Variants in XRCC4 observed in about 807,000 individuals in gnomAD.
XRCC4 encodes the protein X-ray repair cross complementing 4.
XRCC4 carries 28 observed loss-of-function variants against 39.1 expected under a neutral mutation model. That is an observed-to-expected ratio of 0.72 (90% CI 0.53 to 0.98). The LOEUF (loss-of-function observed/expected upper bound fraction) is 0.98. Ranked by LOEUF, XRCC4 falls within the 50% of genes least tolerant of loss-of-function variation. The pLI is 0.00. For missense variants in XRCC4, 350 were observed against 376.4 expected, an observed-to-expected ratio of 0.93 and a Z score of 0.58; for synonymous variants, 123 against 126.4, an observed-to-expected ratio of 0.97 and a Z score of 0.18.
intron 7 of XRCC4, among the ~76,000 whole-genome samples, chr5:83,323,559 G>A (rs773326340): frequency 9.9e-5 from 15 of 151,650 alleles, no homozygotes; most frequent in Non-Finnish European, 1.9e-4. Flanking sequence ...TAAAGCAACA[G>A]TTTTAATAAA....
At chr5:83,242,485 G>T (rs936721079) in intron 6 of XRCC4, among the ~76,000 whole-genome samples, 1 of 151,504 alleles carries the variant, frequency 6.6e-6, no homozygotes, top group African/African-American at 2.4e-5. Flanking sequence ...TCACTTTGTT[G>T]CCCAGGCTGG....
At chr5:83,211,027 A>G (rs1179838037) in intron 6 of XRCC4, among the ~76,000 whole-genome samples, 1 of 152,208 alleles carries the variant, frequency 6.6e-6, no homozygotes, top group East Asian at 1.9e-4. Context: ...ACTATGGATG[A>G]GTGAGAAAAC....
At chr5:83,355,394 C>G (rs1757178706), downstream of XRCC4, among the ~76,000 whole-genome samples, 1 of 152,154 alleles carries the variant, frequency 6.6e-6, no homozygotes, top group Non-Finnish European at 1.5e-5. Context: ...TCTGCTTTAC[C>G]TCTCTATCCC....
At chr5:83,104,302 A>G (rs151084277) in intron 1 of XRCC4, among the ~76,000 whole-genome samples, 62 of 152,276 alleles carry the variant, frequency 4.1e-4, no homozygotes, top group African/African-American at 1.2e-3. Flanking sequence ...CTCCAGACAG[A>G]GACTAAGATA....
intron 1 of XRCC4, among the ~76,000 whole-genome samples, chr5:83,078,532 A>G (rs1286321203): frequency 6.6e-6 from 1 of 152,230 alleles, no homozygotes; most frequent in African/African-American, 2.4e-5. Context: ...TATTCGGCCT[A>G]TGAGACCCTT....
At position 83,098,882 on chromosome 5, in the gene XRCC4, A is replaced by G. The variant is rs10037714; in HGVS notation, c.-10-6028A>G. On this transcript the variant is annotated intron_variant, in intron 1 of 7. Transcript: ENST00000396027. The stretch of plus-strand genomic sequence containing the variant: ...CCTTTTCTTTGCACTTAGTTTTCCT[A>G]AATTGTTGTGTGATTGTCTCAGAAG... Among the ~76,000 whole-genome samples, 449 of 152,254 alleles carry G rather than the reference A, an allele frequency of 2.9e-3. 2 individuals are homozygous for G. The highest frequency in any genetic ancestry group is 0.01 in the African/African-American group (429 of 41,564).
chr5:83,081,246 G>A (rs562909156), intron 1 of XRCC4, among the ~76,000 whole-genome samples: 39 of 152,220 alleles, frequency 2.6e-4, no homozygotes, highest in African/African-American at 8.7e-4. Context: ...GTTAATGATA[G>A]GGTTGATTTA....
At chr5:83,132,679 C>T (rs1747660716) in intron 3 of XRCC4, among the ~76,000 whole-genome samples, 1 of 152,098 alleles carries the variant, frequency 6.6e-6, no homozygotes, top group South Asian at 2.1e-4. Context: ...GAATCGGCCA[C>T]TGAAGCCTGT....
At chr5:83,128,901 G>A (rs34758484) in intron 3 of XRCC4, among the ~76,000 whole-genome samples, 74,445 of 151,782 alleles carry the variant, frequency 0.49, 19,215 homozygotes, top group African/African-American at 0.63. Flanking sequence ...GTAGATTGTA[G>A]AAATTTTCTC....
chr5:83,230,148 T>G (rs1039317560), intron 6 of XRCC4, among the ~76,000 whole-genome samples: 1 of 151,982 alleles, frequency 6.6e-6, no homozygotes, highest in South Asian at 2.1e-4. Context: ...GTAATATATT[T>G]TACCATAACA....
intron 7 of XRCC4, among the ~76,000 whole-genome samples, chr5:83,334,902 G>A (rs1756549353): frequency 1.3e-5 from 2 of 151,994 alleles, no homozygotes; most frequent in Non-Finnish European, 2.9e-5. Context: ...AATGATAAGG[G>A]AAATTCATTA....
chr5:83,157,243 T>A (rs1049551198), intron 3 of XRCC4, among the ~76,000 whole-genome samples: 4 of 152,104 alleles, frequency 2.6e-5, no homozygotes, highest in Non-Finnish European at 1.5e-5. Context: ...GGGAGGTCAT[T>A]CAGTGGAAGG....
chr5:83,243,582 T>A (rs1210234667), intron 6 of XRCC4, among the ~76,000 whole-genome samples: 2 of 152,222 alleles, frequency 1.3e-5, no homozygotes, highest in Non-Finnish European at 2.9e-5. Flanking sequence ...TGCTGGAGAT[T>A]TAGGACTTAA....
intron 3 of XRCC4, among the ~76,000 whole-genome samples, chr5:83,181,711 A>G (rs537383797): frequency 6.6e-6 from 1 of 152,330 alleles, no homozygotes; most frequent in East Asian, 1.9e-4. Flanking sequence ...ATTAATGATT[A>G]CAGGAAGAGG....
At chr5:83,344,079 C>T (rs570679791) in intron 7 of XRCC4, among the ~76,000 whole-genome samples, 289 of 151,778 alleles carry the variant, frequency 1.9e-3, no homozygotes, top group African/African-American at 6.7e-3. Context: ...AATAGCAGAT[C>T]AGATCCAAAA....
At chr5:83,101,718 A>G (rs1339285273) in intron 1 of XRCC4, among the ~76,000 whole-genome samples, 1 of 152,084 alleles carries the variant, frequency 6.6e-6, no homozygotes, top group Non-Finnish European at 1.5e-5. Flanking sequence ...CCTGCTCAAC[A>G]TTTTATGTGC....
intron 3 of XRCC4, among the ~76,000 whole-genome samples, chr5:83,136,951 C>T (rs1388964959): frequency 6.6e-6 from 1 of 152,138 alleles, no homozygotes; most frequent in Non-Finnish European, 1.5e-5. Context: ...GTGTTCTCTT[C>T]ACAAACACAC....
In XRCC4 at chr5:83,288,193, C is replaced by G. The variant is rs1176255776; in HGVS notation, c.893+29516C>G. On this transcript the variant is annotated intron_variant, in intron 7 of 7. Transcript: ENST00000396027. ...TGTTTTTTATGGCACAGAATGTGGT[C>G]TGTCTCTGAATGTTCCATGTGAGCT... is the stretch of plus-strand genomic sequence containing the variant. Among the ~76,000 whole-genome samples, 3 of 151,986 alleles carry G rather than the reference C, an allele frequency of 2.0e-5. No individual in the cohort carries two copies. In the East Asian group the frequency reaches 5.8e-4, roughly 29 times the overall value.
intron 7 of XRCC4, among the ~76,000 whole-genome samples, chr5:83,333,599 T>C (rs1279225216): frequency 6.6e-6 from 1 of 152,160 alleles, no homozygotes. Context: ...TAACACTCAG[T>C]GTATAATATT....
Sources: gnomAD v4.1 joint callset for allele counts (sites outside exome capture counted in the v4.1 genomes callset) on GRCh38, gnomAD v4.1.1 for gene constraint, MANE v1.5 for transcripts, NCBI Gene and HGNC (gene_info 2026-07-23, HGNC 2026-07-21) for gene names.